PRDM10: variants seen among roughly 807,000 people sequenced by gnomAD.
PRDM10 encodes the protein PR domain zinc finger protein 10.
Under a neutral mutation model 133.1 loss-of-function variants are expected in PRDM10, and 65 were observed. The ratio of observed to expected loss-of-function variants is 0.49; its 90% confidence interval spans 0.40 to 0.60. PRDM10 has a LOEUF of 0.60. Among genes scored for constraint, PRDM10 ranks in the 20% least tolerant of loss-of-function variants. The pLI, the probability that PRDM10 is intolerant of heterozygous loss-of-function variation, is 0.00. For missense variants in PRDM10, 1,137 were observed against 1,507.1 expected (o/e 0.75, Z 4.07); for synonymous variants, 582 against 580.4 (o/e 1.00, Z -0.04).
chr11:129,979,670 C>G (rs1937995305), intron 1 of PRDM10, among the ~76,000 whole-genome samples: 1 of 152,190 alleles, frequency 6.6e-6, no homozygotes, highest in Non-Finnish European at 1.5e-5. Flanking sequence ...AAGCAAAGCT[C>G]TCGAGGAGAA....
chr11:129,965,018 C>A (rs1951875757), intron 1 of PRDM10, among the ~76,000 whole-genome samples: 2 of 152,258 alleles, frequency 1.3e-5, no homozygotes, highest in South Asian at 4.1e-4. Context: ...AAAAATCTAA[C>A]AATTTGGCTG....
chr11:129,932,285 C>T, intron 9 of PRDM10, 54 bp from the exon 10 acceptor site: 1 of 1,587,616 alleles, frequency 6.3e-7, no homozygotes, highest in Non-Finnish European at 8.6e-7. Flanking sequence ...TACTCCATAA[C>T]AAGTAGCGAC....
chr11:130,000,280 G>C (rs1939279239), intron 1 of PRDM10, among the ~76,000 whole-genome samples: 1 of 152,206 alleles, frequency 6.6e-6, no homozygotes, highest in South Asian at 2.1e-4. Context: ...CTGACCTCAG[G>C]TGATCTGCCC....
Position 129,944,678 on chromosome 11 carries a change from T to C in PRDM10, c.762+93A>G, listed in dbSNP as rs1019153711. 3.9e-5 allele frequency: 59 copies of C among 1,503,894 alleles called. No homozygotes were observed. In the African/African-American group the frequency reaches 7.9e-4, roughly 20 times the overall value. The allele number at this position is 1,503,894 out of a possible 1,614,324, so 93.2% of individuals were successfully genotyped here. ...AAGAAGAATACTAGCAAACAACTGC[T>C]AAGAAACAGGAATAAGAGACTGAGT... On this transcript the variant is annotated intron_variant, in intron 6 of 20. Transcript: ENST00000360871.
chr11:129,929,404 A>C (rs1591614094), intron 11 of PRDM10: 1 of 1,567,152 alleles, frequency 6.4e-7, no homozygotes. Context: ...CAGGAAACAA[A>C]CCTACCTGCA....
chr11:129,958,402 G>T (rs1951736655), intron 2 of PRDM10, among the ~76,000 whole-genome samples: 1 of 152,172 alleles, frequency 6.6e-6, no homozygotes, highest in South Asian at 2.1e-4. Context: ...AGCACTTTGG[G>T]AGGCCGAGGC....
At position 129,905,642 on chromosome 11, in the gene PRDM10, G is replaced by C; in HGVS notation, c.3263C>G (p.Thr1088Ser). ...CGACCGAGTAGCGTAGCTTACCGAA[G>C]TAACCGCCTTCACCTGGCCAGTAGT... ...PVTTGQVKAV[T>S]SGHYVLSESQ... Residue 1088 changes from threonine (T) to serine (S), a missense_variant, in exon 20 of 21, where the codon ACT becomes AGT. Physicochemically the swap from Thr to Ser is moderately conservative, Grantham distance 58 (BLOSUM62 1). Around this residue, in one of 6 missense-constraint regions of PRDM10, gnomAD observed 243 missense variants for 259.2 expected, o/e 0.94. Transcript: ENST00000360871. The C allele has an allele frequency of 6.2e-7, 1 of 1,613,768 alleles. No individual in the cohort carries two copies. Among genetic ancestry groups the C allele is most frequent in the Non-Finnish European group, 8.5e-7 (1 of 1,179,666 alleles).
intron 7 of PRDM10, among the ~76,000 whole-genome samples, chr11:129,940,874 GT>G (rs1472831246): frequency 1.3e-5 from 2 of 152,140 alleles, no homozygotes; most frequent in African/African-American, 4.8e-5. Flanking sequence ...TTTTATGGTT[GT>G]TCATTAGACT....
chr11:129,992,127 T>G (rs1938791258), intron 1 of PRDM10, among the ~76,000 whole-genome samples: 1 of 152,220 alleles, frequency 6.6e-6, no homozygotes, highest in Non-Finnish European at 1.5e-5. Context: ...CTACAACATG[T>G]TAGCTTCATT....
intron 1 of PRDM10, among the ~76,000 whole-genome samples, chr11:129,990,789 CTT>C (rs769672239): frequency 6.6e-6 from 1 of 152,008 alleles, no homozygotes; most frequent in Non-Finnish European, 1.5e-5. Flanking sequence ...TTTTTCCTCA[CTT>C]TTTTTTCATT....
intron 4 of PRDM10, among the ~76,000 whole-genome samples, chr11:129,950,201 C>A (rs530638036): frequency 6.6e-6 from 1 of 152,126 alleles, no homozygotes; most frequent in African/African-American, 2.4e-5. Context: ...GGTGTCACTC[C>A]AGCCTGGGTG....
At position 129,912,193 on chromosome 11, in the gene PRDM10, A is replaced by G. The variant is rs750484372; in HGVS notation, c.2874T>C (p.Thr958=). ...ATSPHQSQQS[T]VDVGQLHDPQ... ...GATCATGGAGCTGGCCAACATCCACAGTGGACTGCTGTGACTGGTGAGGGG... is the reference window on the plus strand; with the variant it reads ...GATCATGGAGCTGGCCAACATCCACGGTGGACTGCTGTGACTGGTGAGGGG... Residue 958 remains threonine (T), a synonymous_variant, in exon 18 of 21, where the codon ACT becomes ACC. Coordinates refer to ENST00000360871, the MANE Select transcript of PRDM10 (RefSeq NM_199437.2). 23 of 1,608,882 alleles carry G rather than the reference A, an allele frequency of 1.4e-5. No individual in the cohort carries two copies. Among genetic ancestry groups the G allele is most frequent in the East Asian group, 2.2e-5 (1 of 44,536 alleles).
intron 1 of PRDM10, among the ~76,000 whole-genome samples, chr11:129,988,110 C>T (rs758354221): frequency 1.3e-5 from 2 of 152,136 alleles, no homozygotes; most frequent in Non-Finnish European, 2.9e-5. Context: ...ACACATTGAA[C>T]AATTCCATTT....
chr11:129,995,411 T>C (rs1416656567), intron 1 of PRDM10, among the ~76,000 whole-genome samples: 1 of 152,190 alleles, frequency 6.6e-6, no homozygotes, highest in Non-Finnish European at 1.5e-5. Flanking sequence ...ATATTCTGTG[T>C]TGAAGACTAA....
chr11:129,919,112 T>C (rs1041249274), intron 13 of PRDM10, among the ~76,000 whole-genome samples: 6 of 152,184 alleles, frequency 3.9e-5, no homozygotes, highest in Non-Finnish European at 5.9e-5. Context: ...GGCTCATGCC[T>C]GTAATCCTAG....
At chr11:130,000,203 C>T (rs758469411) in intron 1 of PRDM10, among the ~76,000 whole-genome samples, 33 of 152,000 alleles carry the variant, frequency 2.2e-4, no homozygotes, top group Non-Finnish European at 4.9e-4. Context: ...GCCATCATGT[C>T]CGTCCAATTT....
At chr11:129,972,244 T>G (rs1169421179) in intron 1 of PRDM10, among the ~76,000 whole-genome samples, 2 of 152,182 alleles carry the variant, frequency 1.3e-5, no homozygotes, top group Non-Finnish European at 2.9e-5. Context: ...GGCTCTGGCC[T>G]TGGCCAGCCC....
In PRDM10 at chr11:129,997,824, G is replaced by A. The variant is rs529644073; in HGVS notation, c.-119+4898C>T. ...TAACAGTTAACTCAATTATCTGGAA[G>A]TGGTTTTGAGATTAAGATATTCTTC... is the stretch of plus-strand genomic sequence containing the variant. On this transcript the variant is annotated intron_variant, in intron 1 of 20. Coordinates refer to ENST00000360871, the MANE Select transcript of PRDM10 (RefSeq NM_199437.2). Among the ~76,000 whole-genome samples the A allele has an allele frequency of 2.6e-5, 4 of 152,248 alleles. No homozygotes were observed. In the South Asian group the frequency reaches 8.3e-4, roughly 32 times the overall value.
intron 11 of PRDM10, chr11:129,929,320 A>C (rs1950777607): frequency 7.8e-7 from 1 of 1,288,786 alleles, no homozygotes; most frequent in African/African-American, 1.5e-5. Context: ...TGTGGTTTCC[A>C]CCAGGATTTA....
Sources: gnomAD v4.1 joint callset for allele counts (sites outside exome capture counted in the v4.1 genomes callset) on GRCh38, gnomAD v4.1.1 for gene constraint, gnomAD v4.1.1 regional missense constraint, MANE v1.5 for transcripts, NCBI Gene and HGNC (gene_info 2026-07-23, HGNC 2026-07-21) for gene names.